PIK3C2G: variants seen among roughly 807,000 people sequenced by gnomAD.
PIK3C2G encodes phosphatidylinositol-4-phosphate 3-kinase catalytic subunit type 2 gamma, also known as phosphatidylinositol 3-kinase C2 domain-containing subunit gamma.
Under a neutral mutation model 181.1 loss-of-function variants are expected in PIK3C2G, and 168 were observed. The ratio of observed to expected loss-of-function variants is 0.93; its 90% CI spans 0.82 to 1.05. PIK3C2G has a LOEUF of 1.05. PIK3C2G is among the 50% of genes least tolerant of loss of function. The probability of loss-of-function intolerance (pLI) is 0.00; values close to 1 mark genes in which losing one functional copy is unlikely to be tolerated. For missense variants in PIK3C2G, 1,869 were observed against 1,732.8 expected, an observed-to-expected ratio of 1.08 and a Z score of -1.40; for synonymous variants, 573 against 592.2, an observed-to-expected ratio of 0.97 and a Z score of 0.47.
chr12:18,277,850 G>A (rs1235844186), intron 1 of PIK3C2G, among the ~76,000 whole-genome samples: 1 of 152,054 alleles, frequency 6.6e-6, no homozygotes, highest in Non-Finnish European at 1.5e-5. Flanking sequence ...TCTCTTTGAA[G>A]CCAGATAAGT....
At position 18,640,483 on chromosome 12, in the gene PIK3C2G, T is replaced by C. The variant is rs1272182970; in HGVS notation, c.4237T>C (p.Tyr1413His). ...SAHVEFYLLP[Y>H]PSEVRRRKTK... ...ACATGTTGAATTTTATCTTTTACCATATCCCAGTGAAGTTCGTAGGAGGAA... is the reference window on the plus strand; with the variant it reads ...ACATGTTGAATTTTATCTTTTACCACATCCCAGTGAAGTTCGTAGGAGGAA... Residue 1413 changes from tyrosine to histidine, a missense_variant, in exon 32 of 33, where the codon TAT (tyrosine) becomes CAT (histidine). Transcript: ENST00000538779. 4 of 1,608,984 alleles carry C rather than the reference T, an allele frequency of 2.5e-6. No homozygotes were observed. The highest frequency in any genetic ancestry group is 3.4e-6 in the Non-Finnish European group (4 of 1,176,930).
the PIK3C2G span, chr12:18,694,857 T>C: frequency 5.2e-6 from 7 of 1,335,748 alleles, no homozygotes; most frequent in Non-Finnish European, 7.3e-6. Flanking sequence ...TAATGTACAC[T>C]ATCTAGTTTA....
the PIK3C2G span, among the ~76,000 whole-genome samples, chr12:18,689,414 A>C: frequency 1.3e-5 from 2 of 152,208 alleles, no homozygotes; most frequent in Non-Finnish European, 2.9e-5. Flanking sequence ...AAATTCATAA[A>C]CTTTCTTAAA....
At chr12:18,611,548 A>T (rs138812413) in intron 31 of PIK3C2G, among the ~76,000 whole-genome samples, 38 of 152,230 alleles carry the variant, frequency 2.5e-4, no homozygotes, top group Non-Finnish European at 5.3e-4. Context: ...ATCCAGAGTT[A>T]TATGTACAGC....
chr12:18,332,673 C>G (rs1304991340), intron 8 of PIK3C2G, among the ~76,000 whole-genome samples: 1 of 152,062 alleles, frequency 6.6e-6, no homozygotes, highest in Admixed American at 6.6e-5. Context: ...TACTTCTCCC[C>G]CAGAGACAAG....
chr12:18,311,143 T>A (rs966957068), intron 5 of PIK3C2G, among the ~76,000 whole-genome samples: 28 of 152,038 alleles, frequency 1.8e-4, no homozygotes, highest in Admixed American at 1.6e-3. Flanking sequence ...TGTTTCAACA[T>A]CTGTTATTAC....
chr12:18,267,359 T>C (rs1026900356), intron 1 of PIK3C2G, among the ~76,000 whole-genome samples: 1 of 151,704 alleles, frequency 6.6e-6, no homozygotes, highest in Non-Finnish European at 1.5e-5. Context: ...ACACATGATT[T>C]CTTAATTTTA....
chr12:18,459,227 AC>A (rs1051711371), intron 18 of PIK3C2G, among the ~76,000 whole-genome samples: 1 of 152,148 alleles, frequency 6.6e-6, no homozygotes, highest in Admixed American at 6.6e-5. Flanking sequence ...TCCTCAGGCA[AC>A]CCCCAAATAT....
At chr12:18,499,459 T>C (rs906370087) in intron 22 of PIK3C2G, among the ~76,000 whole-genome samples, 2 of 152,198 alleles carry the variant, frequency 1.3e-5, no homozygotes, top group African/African-American at 4.8e-5. Context: ...TTCCACGAAG[T>C]TTCCATGACT....
chr12:18,522,539 A>G (rs1942985419), intron 24 of PIK3C2G, among the ~76,000 whole-genome samples: 1 of 148,938 alleles, frequency 6.7e-6, no homozygotes, highest in African/African-American at 2.5e-5. Context: ...TTTTTTCTTC[A>G]GCAATTTGAA....
chr12:18,454,871 T>C (rs1947542494), intron 18 of PIK3C2G, among the ~76,000 whole-genome samples: 1 of 152,184 alleles, frequency 6.6e-6, no homozygotes. Context: ...TAACTAAGTT[T>C]TATTCACTTA....
chr12:18,303,336 TC>T (rs1362797441), intron 5 of PIK3C2G, among the ~76,000 whole-genome samples: 1,388 of 133,230 alleles, frequency 0.01, 26 homozygotes, highest in African/African-American at 0.032. Context: ...TCTCTCTCTC[TC>T]TTTCTTTCTT....
intron 3 of PIK3C2G, among the ~76,000 whole-genome samples, chr12:18,287,982 T>C (rs1175716964): frequency 4.6e-5 from 7 of 152,020 alleles, no homozygotes; most frequent in Admixed American, 4.6e-4. Context: ...GCCAACGTGG[T>C]GAAACCTCGT....
At chr12:18,600,383 T>C (rs1947642883) in intron 30 of PIK3C2G, among the ~76,000 whole-genome samples, 1 of 151,726 alleles carries the variant, frequency 6.6e-6, no homozygotes, top group Non-Finnish European at 1.5e-5. Flanking sequence ...AAATACTACA[T>C]CTCAGAAACC....
chr12:18,658,492 G>T, the PIK3C2G span, among the ~76,000 whole-genome samples: 35 of 152,208 alleles, frequency 2.3e-4, no homozygotes, highest in Middle Eastern at 6.8e-3. Context: ...ATGGCTGATT[G>T]TTACCACAGA....
At chr12:18,699,742 A>C in the PIK3C2G span, 5 of 1,509,004 alleles carry the variant, frequency 3.3e-6, no homozygotes, top group Non-Finnish European at 4.6e-6. Flanking sequence ...ACACCCTAGC[A>C]GTGAATCTAA....
At position 18,292,227 on chromosome 12, in the gene PIK3C2G, AATATATAT is replaced by A. The variant is rs1555149102; in HGVS notation, c.919+1236_919+1243del. Among the ~76,000 whole-genome samples the A allele has an allele frequency of 4.0e-3, 194 of 48,724 alleles. 4 individuals carry two copies. Among genetic ancestry groups the A allele is most frequent in the African/African-American group, 0.021 (192 of 9,052 alleles). 32.0% of individuals were successfully genotyped at this position (48,724 alleles called of 152,430 possible). A position where few individuals can be genotyped will look rare whatever the true frequency, so the allele number is the denominator to read the frequency against. ...CTCCATCTCAAAAAAAAAAAAAAAAAATATATATATATATATATATATATATATGGATT... is the reference window on the plus strand; with the variant it reads ...CTCCATCTCAAAAAAAAAAAAAAAAAATATATATATATATATATATGGATT... On this transcript the variant is annotated intron_variant, in intron 4 of 32. Coordinates refer to ENST00000538779, the MANE Select transcript of PIK3C2G (RefSeq NM_001288772.2).
chr12:18,299,468 G>A (rs534452348), intron 5 of PIK3C2G, among the ~76,000 whole-genome samples: 1 of 151,784 alleles, frequency 6.6e-6, no homozygotes, highest in Non-Finnish European at 1.5e-5. Flanking sequence ...TTCTGAATAT[G>A]AGATCCTGTC....
At chr12:18,634,461 G>A (rs145030787) in intron 31 of PIK3C2G, among the ~76,000 whole-genome samples, 19 of 152,282 alleles carry the variant, frequency 1.2e-4, no homozygotes, top group African/African-American at 3.8e-4. Flanking sequence ...CACAAGGAAC[G>A]CAAATCCATT....
Sources: gnomAD v4.1 joint callset for allele counts (sites outside exome capture counted in the v4.1 genomes callset) on GRCh38, gnomAD v4.1.1 for gene constraint, MANE v1.5 for transcripts, NCBI Gene and HGNC (gene_info 2026-07-23, HGNC 2026-07-21) for gene names.